Variants in POU2F3 observed in about 807,000 individuals in gnomAD.
POU2F3 encodes the protein POU domain, class 2, transcription factor 3.
In POU2F3, 23 loss-of-function variants were observed where a neutral mutation model predicts 59.2. The observed-to-expected ratio is 0.39, with a 90% CI of 0.28 to 0.55. POU2F3 has a LOEUF of 0.55. Among genes scored for constraint, POU2F3 ranks in the 20% least tolerant of loss-of-function variants. The pLI, the probability that POU2F3 is intolerant of heterozygous loss-of-function variation, is 0.66. For missense variants in POU2F3, 473 were observed against 544.5 expected, an observed-to-expected ratio of 0.87 and a Z score of 1.31; for synonymous variants, 190 against 214.6, an observed-to-expected ratio of 0.89 and a Z score of 1.00.
rs1941532608 is a variant in POU2F3, at chr11:120,307,570, C to T, written c.861C>T (p.Ser287=). 6.2e-7 allele frequency: 1 copy of T among 1,614,182 alleles called. No individual in the cohort carries two copies. The highest frequency in any genetic ancestry group is 2.2e-5 in the East Asian group (1 of 44,882). ...VFGRKRKKRT[S]IETNIRLTLE... is the part of the protein sequence containing the mutation. ...GTAGGAAGAGAAAGAAACGGACCAG[C>T]ATCGAGACCAACATCCGCCTGACTC... Residue 287 remains serine, a synonymous_variant, in exon 9 of 13, where the codon AGC becomes AGT. Coordinates refer to ENST00000543440, the MANE Select transcript of POU2F3 (RefSeq NM_014352.4).
chr11:120,309,825 T>C (rs1941607073), intron 10 of POU2F3, among the ~76,000 whole-genome samples: 1 of 151,584 alleles, frequency 6.6e-6, no homozygotes, highest in Non-Finnish European at 1.5e-5. Context: ...AGACCTAGAG[T>C]TGTCAGGGAA....
intron 3 of POU2F3, among the ~76,000 whole-genome samples, chr11:120,290,152 C>T (rs1398869938): frequency 6.6e-6 from 1 of 152,202 alleles, no homozygotes; most frequent in Non-Finnish European, 1.5e-5. Flanking sequence ...CAAGGAAGAC[C>T]TCAGTCTTCA....
intron 3 of POU2F3, among the ~76,000 whole-genome samples, chr11:120,288,823 A>G (rs1484939447): frequency 4.7e-5 from 7 of 149,836 alleles, no homozygotes. Flanking sequence ...ACATGTATGT[A>G]TTACATATGT....
chr11:120,285,942 G>GTGC lies in POU2F3; in HGVS notation c.133-12321_133-12319dup. Among the ~76,000 whole-genome samples, 1 of 152,228 alleles carries GTGC rather than the reference G, an allele frequency of 6.6e-6. No individual in the cohort carries two copies. The highest frequency in any genetic ancestry group is 1.5e-5 in the Non-Finnish European group (1 of 68,028). On this transcript the variant is annotated intron_variant, in intron 3 of 12. Coordinates refer to ENST00000543440, the MANE Select transcript of POU2F3 (RefSeq NM_014352.4). This position sits in a 1 kb window ranked among gnomAD's most constrained non-coding sequence, Gnocchi z 4.3. ...CTGTCACCCAGGCTGGAGTGCAGTGGTGCTATCTCGGCTCACTGCAACCTC... is the reference window on the plus strand; with the variant it reads ...CTGTCACCCAGGCTGGAGTGCAGTGGTGCTGCTATCTCGGCTCACTGCAACCTC...
At chr11:120,292,128 C>A (rs1335929118) in intron 3 of POU2F3, among the ~76,000 whole-genome samples, 2 of 152,166 alleles carry the variant, frequency 1.3e-5, no homozygotes. Context: ...AAGTAGATTT[C>A]ATCTGGTCTA....
At chr11:120,277,002 A>G (rs554888839) in intron 3 of POU2F3, among the ~76,000 whole-genome samples, 1 of 152,272 alleles carries the variant, frequency 6.6e-6, no homozygotes, top group Non-Finnish European at 1.5e-5. Context: ...ACAAAATACA[A>G]AATTACAAAA....
upstream of POU2F3, among the ~76,000 whole-genome samples, chr11:120,239,174 C>T (rs1051018342): frequency 6.6e-6 from 1 of 152,226 alleles, no homozygotes; most frequent in Non-Finnish European, 1.5e-5. Flanking sequence ...AAGACATGTT[C>T]ATGAGGAGTC....
chr11:120,299,476 A>T (rs577629853), intron 4 of POU2F3, 148 bp from the exon 5 acceptor site: 203 of 615,992 alleles, frequency 3.3e-4, no homozygotes, highest in Non-Finnish European at 5.4e-4. Flanking sequence ...TATTTGCTAG[A>T]CACTGGGGAT....
Position 120,288,137 on chromosome 11 carries a change from A to C in POU2F3, c.133-10128A>C, listed in dbSNP as rs1336698542. On this transcript the variant is annotated intron_variant, in intron 3 of 12. Transcript: ENST00000543440. Reference sequence around the variant, plus strand: ...AAACAAACAAAAAAACCAAAAAAAAAAAAAAAAAAAACAAGAAAAAAGGGC... The same window carrying C: ...AAACAAACAAAAAAACCAAAAAAAACAAAAAAAAAAACAAGAAAAAAGGGC... 3.0e-4 allele frequency among the ~76,000 whole-genome samples: 45 copies of C among 148,678 alleles called. No homozygotes were observed. In the East Asian group the frequency reaches 7.0e-3, roughly 23 times the overall value.
rs1653467511 is a variant in POU2F3 at position 120,319,676 on chromosome 11, C to T, written c.*1284C>T. 3.3e-5 allele frequency: 5 copies of T among 152,264 alleles called. No homozygotes were observed. The South Asian group carries it at 8.3e-4, about 25-fold the overall frequency. The allele number at this position is 152,264 out of a possible 1,614,324, so 9.4% of individuals were successfully genotyped here. ...GGTCAGGCTGGTCTTGAACTCCTGA[C>T]CTCCTGATCCACCCACCTCAGCGTC... is the stretch of plus-strand genomic sequence containing the variant. On this transcript the variant is annotated 3_prime_UTR_variant, in exon 13 of 13. Coordinates refer to ENST00000543440, the MANE Select transcript of POU2F3 (RefSeq NM_014352.4).
At chr11:120,245,221 C>T (rs929592716) in intron 1 of POU2F3, among the ~76,000 whole-genome samples, 1 of 152,176 alleles carries the variant, frequency 6.6e-6, no homozygotes, top group Non-Finnish European at 1.5e-5. Context: ...GAGGTGTACA[C>T]CTCGGCCGGA....
intron 1 of POU2F3, among the ~76,000 whole-genome samples, chr11:120,244,277 G>A (rs893771106): frequency 6.6e-6 from 1 of 152,208 alleles, no homozygotes; most frequent in African/African-American, 2.4e-5. Context: ...AATGGGGCAA[G>A]GGGTTAATGG....
In POU2F3 at chr11:120,273,933, G is replaced by A. The variant is rs561086078; in HGVS notation, c.132+4689G>A. Among the ~76,000 whole-genome samples the A allele has an allele frequency of 3.3e-5, 5 of 152,044 alleles. No individual in the cohort carries two copies. The East Asian group carries it at 5.8e-4, about 18-fold the overall frequency. ...TCAGGAGGCTGAGGCAGGGAGAATC[G>A]CTTGAACCTGGGAGGTGGAGGTGGC... On this transcript the variant is annotated intron_variant, in intron 3 of 12. Transcript: ENST00000543440.
At chr11:120,245,676 A>G (rs1938839226) in intron 1 of POU2F3, among the ~76,000 whole-genome samples, 2 of 152,120 alleles carry the variant, frequency 1.3e-5, no homozygotes, top group Non-Finnish European at 2.9e-5. Context: ...TGTTAAGGGT[A>G]AATGTTTAAT....
intron 10 of POU2F3, 118 bp from the exon 11 acceptor site, chr11:120,315,243 C>A: frequency 2.2e-6 from 2 of 923,574 alleles, no homozygotes; most frequent in Non-Finnish European, 1.7e-6. Flanking sequence ...GCTAGGAAAT[C>A]ACCAAGGAAG....
chr11:120,288,903 C>T (rs79219038), intron 3 of POU2F3, among the ~76,000 whole-genome samples: 1,532 of 137,824 alleles, frequency 0.011, 11 homozygotes, highest in Middle Eastern at 0.018. Context: ...AGATAATGTA[C>T]CTTTAAACCT....
intron 1 of POU2F3, among the ~76,000 whole-genome samples, chr11:120,244,672 T>C (rs1938798837): frequency 6.6e-6 from 1 of 152,198 alleles, no homozygotes. Flanking sequence ...TTCTCAGCAC[T>C]GTTGAAGAAT....
chr11:120,316,465 G>A (rs1225370027), intron 11 of POU2F3, among the ~76,000 whole-genome samples: 1 of 152,204 alleles, frequency 6.6e-6, no homozygotes, highest in Non-Finnish European at 1.5e-5. Context: ...GTCTTGCTCT[G>A]TTGCCCAGGC....
intron 10 of POU2F3, among the ~76,000 whole-genome samples, chr11:120,312,214 C>T (rs1191860451): frequency 6.6e-6 from 1 of 152,156 alleles, no homozygotes; most frequent in African/African-American, 2.4e-5. Context: ...ACCTCCACCT[C>T]CTGGGTTCAA....
Sources: gnomAD v4.1 joint callset for allele counts (sites outside exome capture counted in the v4.1 genomes callset) on GRCh38, gnomAD v4.1.1 for gene constraint, Gnocchi (gnomAD v3.1) non-coding constraint, MANE v1.5 for transcripts, NCBI Gene and HGNC (gene_info 2026-07-23, HGNC 2026-07-21) for gene names.